FBXW8: variants seen among roughly 807,000 people sequenced by gnomAD.
FBXW8 encodes the protein F-box and WD repeat domain containing 8.
Under a neutral mutation model 65.3 loss-of-function variants are expected in FBXW8, and 57 were observed. That is an observed-to-expected ratio of 0.87 (90% CI 0.71 to 1.09). The LOEUF (loss-of-function observed/expected upper bound fraction) is 1.09. FBXW8 is among the 50% of genes least tolerant of loss of function. FBXW8 has a pLI of 0.00. For synonymous variants in FBXW8, 308 were observed against 330.2 expected, an observed-to-expected ratio of 0.93 and a Z score of 0.73; for missense variants, 777 against 814.8, an observed-to-expected ratio of 0.95 and a Z score of 0.57.
chr12:116,924,172 CAG>C (rs1380801983), intron 1 of FBXW8, among the ~76,000 whole-genome samples: 4 of 23,702 alleles, frequency 1.7e-4, no homozygotes, highest in Non-Finnish European at 7.8e-4. Flanking sequence ...GTTTTTAAGT[CAG>C]TGTTGTCCAT....
At chr12:116,917,657 G>C (rs981690387) in intron 1 of FBXW8, among the ~76,000 whole-genome samples, 7 of 152,174 alleles carry the variant, frequency 4.6e-5, no homozygotes, top group Non-Finnish European at 8.8e-5. Context: ...CATCTGGCTG[G>C]TATAGGCCAG....
chr12:116,987,199 C>G (rs1885757529), intron 6 of FBXW8: 1 of 152,314 alleles, frequency 6.6e-6, no homozygotes, highest in South Asian at 2.1e-4. Flanking sequence ...AGCAGAGTCC[C>G]CCGGATGTTG....
chr12:116,964,931 C>G, intron 5 of FBXW8, 77 bp downstream of exon 5: 1 of 1,421,494 alleles, frequency 7.0e-7, no homozygotes, highest in Non-Finnish European at 9.5e-7. Context: ...GGCCGGCTCC[C>G]CCCTGTAATC....
In FBXW8 at chr12:116,911,090, C is replaced by A; in HGVS notation, c.53C>A (p.Ala18Glu). The A allele has an allele frequency of 7.0e-7, 1 of 1,436,712 alleles. No homozygotes were observed. The highest frequency in any genetic ancestry group is 9.1e-7 in the Non-Finnish European group (1 of 1,103,818). 89.0% of individuals were successfully genotyped at this position (1,436,712 alleles called of 1,614,324 possible). A position where few individuals can be genotyped will look rare whatever the true frequency, so the allele number is the denominator to read the frequency against. ...CGTCGGCGCTGGCAGGAGGAGCTGGCGCAGGCCCAGGCGCCGAAGAAGCGG... is the reference window on the plus strand; with the variant it reads ...CGTCGGCGCTGGCAGGAGGAGCTGGAGCAGGCCCAGGCGCCGAAGAAGCGG... ...EFRRRWQEEL[A>E]QAQAPKKRRR... is the part of the protein sequence containing the mutation. Residue 18 changes from alanine (A) to glutamate (E), a missense_variant, in exon 1 of 11, where the codon GCG (alanine) becomes GAG (glutamate). By Grantham distance (107) the Ala-to-Glu change is moderately radical. Transcript: ENST00000652555.
intron 3 of FBXW8, 45 bp downstream of exon 3, chr12:116,945,573 A>G (rs551323039): frequency 8.9e-6 from 14 of 1,573,538 alleles, no homozygotes; most frequent in Non-Finnish European, 1.1e-5. Flanking sequence ...ATAGCCTGCA[A>G]GGACATGGGA....
At chr12:117,018,561 G>C (rs926938656) in intron 8 of FBXW8, among the ~76,000 whole-genome samples, 4 of 152,152 alleles carry the variant, frequency 2.6e-5, no homozygotes, top group African/African-American at 9.7e-5. Context: ...TGAATGGCTT[G>C]GGTGGACTTA....
chr12:116,923,654 G>C (rs1215544676), intron 1 of FBXW8, among the ~76,000 whole-genome samples: 1 of 149,556 alleles, frequency 6.7e-6, no homozygotes, highest in African/African-American at 2.5e-5. Context: ...CTCTCGAGTA[G>C]CTGGGACTAC....
At chr12:116,955,274 A>G (rs915687598) in intron 4 of FBXW8, among the ~76,000 whole-genome samples, 1 of 152,210 alleles carries the variant, frequency 6.6e-6, no homozygotes, top group Non-Finnish European at 1.5e-5. Context: ...GACCTGCACC[A>G]GTTGTTTTCT....
At chr12:117,001,714 G>A (rs926388218) in intron 7 of FBXW8, among the ~76,000 whole-genome samples, 8 of 152,138 alleles carry the variant, frequency 5.3e-5, no homozygotes, top group Non-Finnish European at 1.2e-4. Context: ...CCTGTTGGGA[G>A]CATGAAGGAG....
intron 7 of FBXW8, among the ~76,000 whole-genome samples, chr12:116,989,219 A>G (rs1157451183): frequency 6.6e-6 from 1 of 152,198 alleles, no homozygotes; most frequent in Non-Finnish European, 1.5e-5. Context: ...TTACTCCATA[A>G]TGTGCCTTGG....
At chr12:116,985,797 C>T (rs1885638584) in intron 6 of FBXW8, 1 of 159,874 alleles carries the variant, frequency 6.3e-6, no homozygotes, top group South Asian at 1.9e-4. Flanking sequence ...TGGTGTTATC[C>T]CAGTCCATCT....
chr12:116,911,379 C>G lies in FBXW8; in HGVS notation c.318+24C>G, dbSNP rs928437643. 30 of 1,254,626 alleles carry G rather than the reference C, an allele frequency of 2.4e-5. No individual in the cohort carries two copies. The African/African-American group carries it at 3.3e-4, about 14-fold the overall frequency. 77.7% of individuals were successfully genotyped at this position (1,254,626 alleles called of 1,614,324 possible). Reference sequence around the variant, plus strand: ...TGGTGAGTGGCCGTCGCCTCCCCCCCGCCCATGCCTGCGCCGGCCCCCGCC... The same window carrying G: ...TGGTGAGTGGCCGTCGCCTCCCCCCGGCCCATGCCTGCGCCGGCCCCCGCC... On this transcript the variant is annotated intron_variant, in intron 1 of 10. Transcript: ENST00000652555.
At chr12:116,978,710 T>C (rs1885111691) in intron 5 of FBXW8, 3 of 152,228 alleles carry the variant, frequency 2.0e-5, no homozygotes, top group South Asian at 4.1e-4. Context: ...AGCTCTGTAG[T>C]TGAAGAAGGG....
At chr12:116,931,990 C>G (rs1160644359) in intron 2 of FBXW8, among the ~76,000 whole-genome samples, 1 of 151,700 alleles carries the variant, frequency 6.6e-6, no homozygotes, top group Non-Finnish European at 1.5e-5. Flanking sequence ...TCACATGTGG[C>G]CTTTATTGTG....
At chr12:116,985,754 T>A (rs1885636074) in intron 6 of FBXW8, 1 of 193,332 alleles carries the variant, frequency 5.2e-6, no homozygotes, top group African/African-American at 2.3e-5. Flanking sequence ...CAAAGATCAG[T>A]TTGACCTAAT....
chr12:116,993,770 T>A (rs1186271583), intron 7 of FBXW8, among the ~76,000 whole-genome samples: 1 of 152,254 alleles, frequency 6.6e-6, no homozygotes, highest in Admixed American at 6.5e-5. Flanking sequence ...TTTATTTGTT[T>A]TTGTTACATT....
chr12:116,934,501 A>C (rs973584898), intron 2 of FBXW8, among the ~76,000 whole-genome samples: 1 of 152,234 alleles, frequency 6.6e-6, no homozygotes, highest in African/African-American at 2.4e-5. Context: ...GATAACAATG[A>C]TACAGTTGTT....
In FBXW8 at chr12:117,028,433, C is replaced by T. The variant is rs1268600172; in HGVS notation, c.*261C>T. 1 of 516,926 alleles carries T rather than the reference C, an allele frequency of 1.9e-6. No individual in the cohort carries two copies. The highest frequency in any genetic ancestry group is 1.9e-5 in the African/African-American group (1 of 51,986). 32.0% of individuals were successfully genotyped at this position (516,926 alleles called of 1,614,324 possible). On this transcript the variant is annotated 3_prime_UTR_variant, in exon 11 of 11. Transcript: ENST00000652555. This position sits in a 1 kb window ranked among gnomAD's most constrained non-coding sequence, Gnocchi z 4.1. Reference sequence around the variant, plus strand: ...CCCACCCAGCTGGCCACCCTGGCCTCAGCTCCCTCAGGACGCCTCAGGGAT... The same window carrying T: ...CCCACCCAGCTGGCCACCCTGGCCTTAGCTCCCTCAGGACGCCTCAGGGAT...
At chr12:117,008,013 G>A (rs1332036363) in intron 7 of FBXW8, among the ~76,000 whole-genome samples, 1 of 152,272 alleles carries the variant, frequency 6.6e-6, no homozygotes, top group East Asian at 1.9e-4. Flanking sequence ...CTGGACTCTG[G>A]ACTACTAACT....
Sources: allele counts gnomAD v4.1 joint callset (sites outside exome capture counted in the v4.1 genomes callset), GRCh38; gene constraint gnomAD v4.1.1; non-coding constraint Gnocchi (gnomAD v3.1); transcripts MANE v1.5; gene names NCBI Gene and HGNC (gene_info 2026-07-23, HGNC 2026-07-21).